PLCL1: variants seen among roughly 807,000 people sequenced by gnomAD.
PLCL1 encodes phospholipase C like 1 (inactive).
PLCL1 carries 41 observed loss-of-function variants against 84.4 expected under a neutral mutation model. The ratio of observed to expected loss-of-function variants is 0.49; its 90% CI spans 0.38 to 0.63. The LOEUF (loss-of-function observed/expected upper bound fraction) is 0.63. PLCL1 is among the 30% of genes least tolerant of loss of function. The pLI is 0.00. For missense variants in PLCL1, 1,206 were observed against 1,367.8 expected (o/e 0.88, Z 1.87); for synonymous variants, 490 against 488.3 (o/e 1.00, Z -0.05).
chr2:198,031,416 T>C (rs776285519), intron 1 of PLCL1, among the ~76,000 whole-genome samples: 1 of 151,936 alleles, frequency 6.6e-6, no homozygotes, highest in Admixed American at 6.6e-5. Context: ...TGTGGTTACA[T>C]AATTATAGAA....
intron 1 of PLCL1, among the ~76,000 whole-genome samples, chr2:197,935,715 C>T (rs1021485133): frequency 3.9e-5 from 6 of 152,114 alleles, no homozygotes; most frequent in Non-Finnish European, 8.8e-5. Context: ...CCCTGTGACA[C>T]ACAATTTACC....
At chr2:197,977,361 C>T (rs766222939) in intron 1 of PLCL1, among the ~76,000 whole-genome samples, 16 of 151,954 alleles carry the variant, frequency 1.1e-4, no homozygotes, top group Admixed American at 2.0e-4. Context: ...TTCCAGGGGC[C>T]GTGCAGAGAC....
At chr2:198,135,887 G>A (rs1346233816) in intron 5 of PLCL1, among the ~76,000 whole-genome samples, 4 of 152,132 alleles carry the variant, frequency 2.6e-5, no homozygotes, top group Non-Finnish European at 5.9e-5. Flanking sequence ...AGTGAGCAAC[G>A]CTTTGGTGTT....
chr2:198,105,854 A>G (rs1484128166), intron 5 of PLCL1, among the ~76,000 whole-genome samples: 1 of 151,902 alleles, frequency 6.6e-6, no homozygotes, highest in African/African-American at 2.4e-5. Flanking sequence ...TCTTGAGATT[A>G]TGATTTGCTC....
At chr2:197,820,898 A>G (rs1194213227) in intron 1 of PLCL1, among the ~76,000 whole-genome samples, 2 of 152,142 alleles carry the variant, frequency 1.3e-5, no homozygotes, top group Non-Finnish European at 2.9e-5. Flanking sequence ...TGGACATTAA[A>G]GCTTAACTGT....
chr2:197,883,437 CTG>C (rs1687865870), intron 1 of PLCL1, among the ~76,000 whole-genome samples: 1 of 152,100 alleles, frequency 6.6e-6, no homozygotes, highest in Non-Finnish European at 1.5e-5. Flanking sequence ...CATCAATAAA[CTG>C]TGAAATGATT....
chr2:198,106,617 TA>T (rs1693480398), intron 5 of PLCL1, among the ~76,000 whole-genome samples: 1 of 151,942 alleles, frequency 6.6e-6, no homozygotes, highest in African/African-American at 2.4e-5. Context: ...AGAAAGGTGC[TA>T]GGGATACAAA....
chr2:197,974,794 T>C (rs1024796014), intron 1 of PLCL1, among the ~76,000 whole-genome samples: 1 of 152,250 alleles, frequency 6.6e-6, no homozygotes, highest in African/African-American at 2.4e-5. Flanking sequence ...TCAGCTGCGC[T>C]GTCAGAAGCT....
chr2:198,086,349 G>T, intron 2 of PLCL1, 117 bp downstream of exon 2: 1 of 736,998 alleles, frequency 1.4e-6, no homozygotes, highest in Non-Finnish European at 2.2e-6. Flanking sequence ...GTCTGGGTGT[G>T]GTGACTCATT....
intron 5 of PLCL1, among the ~76,000 whole-genome samples, chr2:198,128,789 A>G (rs985175160): frequency 3.9e-5 from 6 of 152,196 alleles, no homozygotes; most frequent in Non-Finnish European, 8.8e-5. Context: ...ACCATAAACT[A>G]TAAGTTCTTC....
intron 1 of PLCL1, among the ~76,000 whole-genome samples, chr2:197,954,498 T>C (rs972325880): frequency 1.3e-5 from 2 of 152,068 alleles, no homozygotes; most frequent in Non-Finnish European, 2.9e-5. Flanking sequence ...TCTATGGTTT[T>C]TCAGCATCTG....
chr2:197,901,711 C>T (rs746359273), intron 1 of PLCL1, among the ~76,000 whole-genome samples: 12 of 152,138 alleles, frequency 7.9e-5, no homozygotes, highest in Non-Finnish European at 1.8e-4. Context: ...TCTTTCAAAG[C>T]TTCAAGCTCA....
Position 198,084,350 on chromosome 2 carries a change from C to A in PLCL1, c.833C>A (p.Ala278Asp). The A allele has an allele frequency of 6.2e-7, 1 of 1,613,982 alleles. No homozygotes were observed. The highest frequency in any genetic ancestry group is 8.5e-7 in the Non-Finnish European group (1 of 1,179,884). The change falls in exon 2 of 6, where the codon GCC becomes GAC. Residue 278 changes from alanine (A) to aspartate (D), a missense_variant. Physicochemically the swap from Ala to Asp is moderately radical, Grantham distance 126. Coordinates refer to ENST00000428675, the MANE Select transcript of PLCL1 (RefSeq NM_006226.4). ...IKQLNPTLKE[A>D]KIRLKFKEIQ... The stretch of plus-strand genomic sequence containing the variant: ...CAACTCAACCCTACTCTGAAGGAAG[C>A]CAAGATCAGGTTAAAGTTTAAAGAA...
intron 1 of PLCL1, among the ~76,000 whole-genome samples, chr2:197,950,939 C>T (rs1465391469): frequency 2.6e-5 from 4 of 152,122 alleles, no homozygotes; most frequent in East Asian, 3.9e-4. Flanking sequence ...AAATAATTCT[C>T]GCCTGAGGGC....
In PLCL1 at chr2:198,137,681, A is replaced by C. The variant is rs538893898; in HGVS notation, c.3106-9099A>C. 2.6e-5 allele frequency among the ~76,000 whole-genome samples: 4 copies of C among 152,294 alleles called. No homozygotes were observed. The South Asian group carries it at 8.3e-4, about 32-fold the overall frequency. On this transcript the variant is annotated intron_variant, in intron 5 of 5. Coordinates refer to ENST00000428675, the MANE Select transcript of PLCL1 (RefSeq NM_006226.4). ...AATGAAGATGCCTGCTCATCTTGCA[A>C]ATCATTGCTTTCTTGTTACTTTTTA...
At chr2:198,031,856 A>G (rs1378936864) in intron 1 of PLCL1, among the ~76,000 whole-genome samples, 1 of 152,010 alleles carries the variant, frequency 6.6e-6, no homozygotes, top group African/African-American at 2.4e-5. Context: ...TTGTGCCTCT[A>G]TATATGTTGG....
intron 1 of PLCL1, among the ~76,000 whole-genome samples, chr2:198,016,358 T>C (rs998715969): frequency 9.2e-5 from 14 of 152,190 alleles, no homozygotes; most frequent in Non-Finnish European, 1.3e-4. Context: ...TTGAAAACAT[T>C]GAATTTGCTC....
intron 2 of PLCL1, among the ~76,000 whole-genome samples, chr2:198,087,039 G>T (rs1257329988): frequency 2.4e-4 from 36 of 152,084 alleles, no homozygotes; most frequent in Non-Finnish European, 2.9e-5. Flanking sequence ...CTCCCCACAA[G>T]AACAAGTAAA....
chr2:198,043,333 G>C (rs945341704), intron 1 of PLCL1, among the ~76,000 whole-genome samples: 1 of 152,164 alleles, frequency 6.6e-6, no homozygotes, highest in Non-Finnish European at 1.5e-5. Flanking sequence ...TGAAATTGGA[G>C]GCAGGGATGA....
Sources: gnomAD v4.1 joint callset for allele counts (sites outside exome capture counted in the v4.1 genomes callset) on GRCh38, gnomAD v4.1.1 for gene constraint, MANE v1.5 for transcripts, NCBI Gene and HGNC (gene_info 2026-07-23, HGNC 2026-07-21) for gene names.